The following TNS1 variants were observed in gnomAD, a reference collection of about 807,000 sequenced individuals.
TNS1 encodes the protein tensin-1.
Under a neutral mutation model 168.6 loss-of-function variants are expected in TNS1, and 62 were observed. The observed-to-expected ratio is 0.37, with a 90% CI of 0.30 to 0.45. TNS1 has a LOEUF of 0.45. Ranked by LOEUF, TNS1 falls within the 20% of genes least tolerant of loss-of-function variation. The pLI is 1.00. For synonymous variants in TNS1, 934 were observed against 933.2 expected (o/e 1.00, Z -0.02); for missense variants, 2,240 against 2,339.4 (o/e 0.96, Z 0.88).
In TNS1 at chr2:217,880,725, T is replaced by C. The variant is rs529732581; in HGVS notation, c.1429+173A>G. Among the ~76,000 whole-genome samples the C allele has an allele frequency of 2.6e-5, 4 of 152,124 alleles. No homozygotes were observed. The highest frequency in any genetic ancestry group is 5.9e-5 in the Non-Finnish European group (4 of 68,026). ...TCCTCACTTTTATTTAATACATTCA[T>C]ATATGTGCCTTATCTTCCCCCAGTT... On this transcript the variant is annotated intron_variant, in intron 18 of 32. Transcript: ENST00000682258. The surrounding 1 kb of genome is among the most constrained non-coding windows in gnomAD (Gnocchi z 4.2).
chr2:217,991,985 C>A (rs1341054826), intron 1 of TNS1, among the ~76,000 whole-genome samples: 2 of 152,154 alleles, frequency 1.3e-5, no homozygotes, highest in East Asian at 3.9e-4. Context: ...CCACCACTAC[C>A]ACAGGCCTCA....
At chr2:217,805,914 T>C (rs998897498) in intron 32 of TNS1, among the ~76,000 whole-genome samples, 1 of 97,810 alleles carries the variant, frequency 1.0e-5, no homozygotes, top group African/African-American at 3.9e-5. Flanking sequence ...ACACACATAA[T>C]CCAGCATTTC....
chr2:217,965,249 GCCTATCACATGCCAGGATTTTA>G (rs1445772217), intron 3 of TNS1, among the ~76,000 whole-genome samples: 1 of 152,206 alleles, frequency 6.6e-6, no homozygotes, highest in Non-Finnish European at 1.5e-5. Context: ...TTGAGCAAAA[GCCTATCACATGCCAGGATTTTA>G]CCTACATTCT....
chr2:217,888,859 C>T (rs963092633), intron 12 of TNS1, among the ~76,000 whole-genome samples: 22 of 152,220 alleles, frequency 1.4e-4, no homozygotes, highest in Admixed American at 5.2e-4. Flanking sequence ...TGGACTAATA[C>T]ACCAGGGAAT....
intron 8 of TNS1, among the ~76,000 whole-genome samples, chr2:217,895,813 T>G (rs1297837001): frequency 3.3e-5 from 5 of 152,080 alleles, no homozygotes; most frequent in African/African-American, 1.2e-4. Context: ...TCCACCCCAC[T>G]GCCTAGGAAA....
In TNS1 at chr2:217,886,048, T is replaced by C. The variant is rs1161561420; in HGVS notation, c.1036A>G (p.Ile346Val). 2 of 1,613,788 alleles carry C rather than the reference T, an allele frequency of 1.2e-6. No individual in the cohort carries two copies. Among genetic ancestry groups the C allele is most frequent in the East Asian group, 4.5e-5 (2 of 44,868 alleles). The stretch of plus-strand genomic sequence containing the variant: ...TCACGCCCATGTAATACTTACTAGA[T>C]GCCAGATGTGTACACAGGTTGCATG... ...QAMQPVYTSG[I>V]YNIPGDSQTS... is the part of the protein sequence containing the mutation. Residue 346 changes from isoleucine (I) to valine (V), a missense_variant, in exon 14 of 33, where the codon ATC (isoleucine) becomes GTC (valine). This residue lies in a region of TNS1 where 2,131 missense variants were observed against 2,171.2 expected (regional missense o/e 0.98). Transcript: ENST00000682258.
intron 9 of TNS1, 146 bp from the exon 10 acceptor site, chr2:217,893,707 T>A: frequency 8.3e-7 from 1 of 1,200,616 alleles, no homozygotes. Context: ...CCCTGCCCAC[T>A]GGCCAGCGAG....
At chr2:217,978,654 A>G (rs1274574916) in intron 3 of TNS1, 111 bp downstream of exon 3, 2 of 494,074 alleles carry the variant, frequency 4.0e-6, no homozygotes, top group African/African-American at 2.1e-5. Context: ...AGAGAGGAGG[A>G]GGGACGCCCC....
At position 218,027,059 on chromosome 2, in the gene TNS1, G is replaced by A. The variant is rs538210586; in HGVS notation, c.156+6761C>T. On this transcript the variant is annotated intron_variant, in intron 1 of 1. Transcript: ENST00000649572. ...CAGCCGGCTTCTGGGGGCCCACGAA[G>A]GGAGGAGAGACTTTACGGCAAACAC... 2.4e-4 allele frequency among the ~76,000 whole-genome samples: 37 copies of A among 152,076 alleles called. 1 individual carries two copies. The highest frequency in any genetic ancestry group is 8.7e-4 in the African/African-American group (36 of 41,406).
rs755013483 is a variant in TNS1 at position 217,880,989 on chromosome 2, C to T, written c.1338G>A (p.Pro446=). ...IQGMEHLENG[P]SVSVDYNTSD... ...AGGTGTTATAGTCCACAGACACGCT[C>T]GGCCCGTTCTCCAGGTGCTCCATGC... Residue 446 remains proline (P), a synonymous_variant, in exon 18 of 33, where the codon CCG becomes CCA. Transcript: ENST00000682258. This position sits in a 1 kb window ranked among gnomAD's most constrained non-coding sequence, Gnocchi z 4.2. The T allele has an allele frequency of 8.7e-6, 14 of 1,613,898 alleles. No individual in the cohort carries two copies. Among genetic ancestry groups the T allele is most frequent in the Non-Finnish European group, 4.2e-6 (5 of 1,180,000 alleles).
At chr2:217,917,567 C>T (rs948565828) in intron 4 of TNS1, among the ~76,000 whole-genome samples, 1 of 151,994 alleles carries the variant, frequency 6.6e-6, no homozygotes, top group African/African-American at 2.4e-5. Flanking sequence ...CGCAGTAGCT[C>T]ACGCCTGTAA....
chr2:217,997,964 A>G (rs1270961654), intron 1 of TNS1, among the ~76,000 whole-genome samples: 1 of 152,250 alleles, frequency 6.6e-6, no homozygotes, highest in Non-Finnish European at 1.5e-5. Context: ...TAGTGAAATT[A>G]TACCCCATTC....
At chr2:217,905,612 G>A (rs1317004231) in intron 6 of TNS1, among the ~76,000 whole-genome samples, 2 of 152,222 alleles carry the variant, frequency 1.3e-5, no homozygotes, top group African/African-American at 4.8e-5. Context: ...GCAGCCCAGG[G>A]CGGGTGAAGA....
intron 3 of TNS1, among the ~76,000 whole-genome samples, chr2:217,974,327 T>C (rs942767911): frequency 2.6e-5 from 4 of 152,342 alleles, no homozygotes; most frequent in East Asian, 1.9e-4. Context: ...TGTCAGAAGA[T>C]AGGAAGGTTT....
intron 3 of TNS1, chr2:217,937,192 CT>C (rs1559375235): frequency 5.3e-6 from 2 of 373,898 alleles, no homozygotes; most frequent in African/African-American, 4.2e-5. Context: ...CCCTACTCCC[CT>C]ACTCCCCCCA....
intron 18 of TNS1, among the ~76,000 whole-genome samples, chr2:217,854,920 G>A (rs977698101): frequency 6.6e-6 from 1 of 152,182 alleles, no homozygotes; most frequent in Non-Finnish European, 1.5e-5. Context: ...CCATCTTAAT[G>A]GCCATATCAG....
chr2:217,850,344 G>C, intron 18 of TNS1: 1 of 985,324 alleles, frequency 1.0e-6, no homozygotes, highest in Non-Finnish European at 1.2e-6. Flanking sequence ...AGGGCAGGAG[G>C]GGAAGCGTCT....
chr2:217,828,739 C>T (rs1306127953), intron 22 of TNS1, among the ~76,000 whole-genome samples: 2 of 152,188 alleles, frequency 1.3e-5, no homozygotes, highest in Non-Finnish European at 2.9e-5. Context: ...CATGCCAACT[C>T]CTTGAAACTG....
At position 217,818,220 on chromosome 2, in the gene TNS1, G is replaced by C. The variant is rs557589384; in HGVS notation, c.4112C>G (p.Pro1371Arg). The change falls in exon 24 of 33, where the codon CCG becomes CGG. Residue 1371 changes from proline (P) to arginine (R), a missense_variant. By Grantham distance (103) the Pro-to-Arg change is moderately radical (BLOSUM62 -2). This residue lies in a region of TNS1 where 2,131 missense variants were observed against 2,171.2 expected (regional missense o/e 0.98). Transcript: ENST00000682258. ...SGLHNKVATTPGSPSLGRHPG... is the reference protein window; with the variant it reads ...SGLHNKVATTRGSPSLGRHPG... ...GTGCCGGCCCAGGCTGGGACTCCCC[G>C]GGGTGGTGGCCACTTTGTTGTGGAG... is the stretch of plus-strand genomic sequence containing the variant. 1.9e-6 allele frequency: 3 copies of C among 1,613,868 alleles called. No individual in the cohort carries two copies. In the East Asian group the frequency reaches 6.7e-5, roughly 36 times the overall value.
Sources: gnomAD v4.1 joint callset for allele counts (sites outside exome capture counted in the v4.1 genomes callset) on GRCh38, gnomAD v4.1.1 for gene constraint, gnomAD v4.1.1 regional missense constraint, Gnocchi (gnomAD v3.1) non-coding constraint, MANE v1.5 for transcripts, NCBI Gene and HGNC (gene_info 2026-07-23, HGNC 2026-07-21) for gene names.